The following GLUD1 variants were observed in gnomAD, a reference collection of about 807,000 sequenced individuals.
GLUD1 encodes the protein glutamate dehydrogenase 1, mitochondrial.
In GLUD1, 22 loss-of-function variants were observed where a neutral mutation model predicts 56.0. The ratio of observed to expected loss-of-function variants is 0.39; its 90% CI spans 0.28 to 0.56. GLUD1 has a LOEUF of 0.56. GLUD1 is among the 20% of genes least tolerant of loss of function. The probability of loss-of-function intolerance (pLI) is 0.58; values close to 1 mark genes in which losing one functional copy is unlikely to be tolerated. For synonymous variants in GLUD1, 223 were observed against 269.9 expected (o/e 0.83, Z 1.70); for missense variants, 451 against 732.0 (o/e 0.62, Z 4.43).
At chr10:87,075,193 G>A (rs1292481917) in intron 3 of GLUD1, among the ~76,000 whole-genome samples, 3 of 152,104 alleles carry the variant, frequency 2.0e-5, no homozygotes, top group African/African-American at 7.2e-5. Flanking sequence ...TCTGCCTCCT[G>A]GGTTCAAGCA....
rs76606101 is a variant in GLUD1 at position 87,079,834 on chromosome 10, T to G, written c.446-3178A>C. ...ACTTAATAAACCTTGGTTTCATTAC[T>G]TCTACATAAATTCACAGGAAATAGT... is the stretch of plus-strand genomic sequence containing the variant. On this transcript the variant is annotated intron_variant, in intron 1 of 12. Transcript: ENST00000277865. Among the ~76,000 whole-genome samples, 221 of 152,334 alleles carry G rather than the reference T, an allele frequency of 1.5e-3. 3 individuals carry two copies. The East Asian group carries it at 0.035, about 24-fold the overall frequency.
At chr10:87,070,731 G>A (rs553314748) in intron 4 of GLUD1, among the ~76,000 whole-genome samples, 3 of 152,054 alleles carry the variant, frequency 2.0e-5, no homozygotes, top group Non-Finnish European at 4.4e-5. Flanking sequence ...CATGCTAAAC[G>A]TGAAACAGCT....
intron 5 of GLUD1, among the ~76,000 whole-genome samples, chr10:87,064,591 G>C (rs1846026197): frequency 6.6e-6 from 1 of 152,034 alleles, no homozygotes; most frequent in South Asian, 2.1e-4. Flanking sequence ...AAAGTGATCT[G>C]TTCTTTATCT....
intron 4 of GLUD1, among the ~76,000 whole-genome samples, chr10:87,070,895 C>T (rs145937935): frequency 0.01 from 1,541 of 151,956 alleles, 13 homozygotes; most frequent in Admixed American, 0.019. Flanking sequence ...TTTGGGAGGC[C>T]GAGGTGAGTG....
At chr10:87,078,441 C>T (rs1237938393) in intron 1 of GLUD1, among the ~76,000 whole-genome samples, 2 of 152,180 alleles carry the variant, frequency 1.3e-5, no homozygotes, top group Non-Finnish European at 2.9e-5. Context: ...TTTATTATTA[C>T]TGACTTTGCA....
chr10:87,093,426 C>A (rs1052510436), intron 1 of GLUD1, among the ~76,000 whole-genome samples: 1 of 152,156 alleles, frequency 6.6e-6, no homozygotes, highest in African/African-American at 2.4e-5. Flanking sequence ...CTTATTTGCT[C>A]GAAGAAAGCA....
intron 1 of GLUD1, among the ~76,000 whole-genome samples, chr10:87,078,993 C>G (rs897276776): frequency 6.6e-6 from 1 of 152,086 alleles, no homozygotes; most frequent in Non-Finnish European, 1.5e-5. Context: ...ACAAAAAGTA[C>G]TGCACATTTC....
chr10:87,089,706 T>C, intron 1 of GLUD1: 1 of 979,486 alleles, frequency 1.0e-6, no homozygotes, highest in Non-Finnish European at 1.2e-6. Flanking sequence ...TAATAAAGCC[T>C]TTCCTGCCTT....
chr10:87,088,001 A>G (rs532261847), intron 1 of GLUD1, among the ~76,000 whole-genome samples: 2 of 152,200 alleles, frequency 1.3e-5, no homozygotes, highest in South Asian at 4.1e-4. Flanking sequence ...AAATTGCTTG[A>G]ACCTGGTAAG....
rs181425349 is a variant in GLUD1 at position 87,075,790 on chromosome 10, C to T, written c.582+178G>A. On this transcript the variant is annotated intron_variant, in intron 3 of 12. Coordinates refer to ENST00000277865, the MANE Select transcript of GLUD1 (RefSeq NM_005271.5). ...TACAAAAATTAGTCGGGCATGGTGG[C>T]GTGCACCTGTAATCCCAGTTACTGG... Among the ~76,000 whole-genome samples the T allele has an allele frequency of 4.4e-3, 675 of 152,168 alleles. 7 individuals are homozygous for T. The highest frequency in any genetic ancestry group is 0.016 in the African/African-American group (653 of 41,526).
chr10:87,057,324 C>T (rs1218348173), intron 11 of GLUD1, among the ~76,000 whole-genome samples: 1 of 152,148 alleles, frequency 6.6e-6, no homozygotes, highest in Non-Finnish European at 1.5e-5. Context: ...GATGGGGACT[C>T]ACTATGTTCC....
chr10:87,057,574 T>G (rs1372100324), intron 11 of GLUD1, 117 bp downstream of exon 11: 1 of 760,776 alleles, frequency 1.3e-6, no homozygotes, highest in Non-Finnish European at 2.4e-6. Context: ...TGTCACGCAC[T>G]TACTGTCAAG....
At chr10:87,068,025 C>T (rs1846123162) in intron 5 of GLUD1, 38 bp downstream of exon 5, 1 of 1,187,266 alleles carries the variant, frequency 8.4e-7, no homozygotes. Context: ...TTGTAGACAG[C>T]AAATGCAGAA....
At chr10:87,059,842 A>G (rs560723945) in intron 9 of GLUD1, among the ~76,000 whole-genome samples, 1 of 152,358 alleles carries the variant, frequency 6.6e-6, no homozygotes, top group South Asian at 2.1e-4. Flanking sequence ...CTTGAAATGC[A>G]TAAGGTTAGG....
chr10:87,088,985 G>A (rs1841451391), intron 1 of GLUD1, among the ~76,000 whole-genome samples: 1 of 152,212 alleles, frequency 6.6e-6, no homozygotes, highest in East Asian at 1.9e-4. Context: ...GGTCTTCGGA[G>A]TTGGGTGTAG....
At position 87,088,310 on chromosome 10, in the gene GLUD1, GA is replaced by G. The variant is rs916984341; in HGVS notation, c.445+6014del. ...TCTGCTCTACTTGGGAGAAATCAAT[GA>G]AAAAAAATATTCCAAGAAATAAAAA... On this transcript the variant is annotated intron_variant, in intron 1 of 12. Coordinates refer to ENST00000277865, the MANE Select transcript of GLUD1 (RefSeq NM_005271.5). 2.8e-3 allele frequency among the ~76,000 whole-genome samples: 421 copies of G among 150,360 alleles called. 2 individuals are homozygous for G. Among genetic ancestry groups the G allele is most frequent in the African/African-American group, 9.7e-3 (397 of 41,076 alleles).
chr10:87,065,812 C>T (rs916544176), intron 5 of GLUD1, among the ~76,000 whole-genome samples: 2 of 152,132 alleles, frequency 1.3e-5, no homozygotes, highest in African/African-American at 4.8e-5. Flanking sequence ...ATGAGTCTCA[C>T]AAAGTAGGTA....
At chr10:87,051,925 A>G in intron 12 of GLUD1, 55 bp from the exon 13 acceptor site, 1 of 1,606,950 alleles carries the variant, frequency 6.2e-7, no homozygotes, top group Admixed American at 1.7e-5. Context: ...TGGCCAGGCC[A>G]TAAACACACA....
chr10:87,081,007 C>T (rs1442369258), intron 1 of GLUD1, among the ~76,000 whole-genome samples: 8 of 128,598 alleles, frequency 6.2e-5, no homozygotes, highest in Non-Finnish European at 1.2e-4. Context: ...CCGCCCCGTC[C>T]GGGAGGGAGG....
Sources: gnomAD v4.1 joint callset for allele counts (sites outside exome capture counted in the v4.1 genomes callset) on GRCh38, gnomAD v4.1.1 for gene constraint, MANE v1.5 for transcripts, NCBI Gene and HGNC (gene_info 2026-07-23, HGNC 2026-07-21) for gene names.